CTIF: variants seen among roughly 807,000 people sequenced by gnomAD.
CTIF encodes CBP80/20-dependent translation initiation factor.
A neutral mutation model predicts 66.0 loss-of-function variants in CTIF; 21 were observed. The observed-to-expected ratio is 0.32, with a 90% CI of 0.23 to 0.46. The LOEUF (loss-of-function observed/expected upper bound fraction) is 0.46. Ranked by LOEUF, CTIF falls within the 20% of genes least tolerant of loss-of-function variation. The pLI, the probability that CTIF is intolerant of heterozygous loss-of-function variation, is 1.00. For synonymous variants in CTIF, 345 were observed against 326.4 expected (o/e 1.06, Z -0.62); for missense variants, 739 against 812.7 (o/e 0.91, Z 1.10).
At chr18:48,718,143 T>TGA (rs1568161589) in intron 7 of CTIF, among the ~76,000 whole-genome samples, 4 of 152,252 alleles carry the variant, frequency 2.6e-5, no homozygotes, top group African/African-American at 9.6e-5. Context: ...TTGGTCTGTG[T>TGA]GAACCTGTGC....
At chr18:48,699,550 A>G (rs370942312) in intron 6 of CTIF, among the ~76,000 whole-genome samples, 3 of 152,180 alleles carry the variant, frequency 2.0e-5, no homozygotes, top group African/African-American at 4.8e-5. Flanking sequence ...TGATTAACAC[A>G]GGTATGACCA....
chr18:48,836,329 A>T (rs1380701560), intron 10 of CTIF, among the ~76,000 whole-genome samples: 2 of 152,070 alleles, frequency 1.3e-5, no homozygotes, highest in Non-Finnish European at 2.9e-5. Flanking sequence ...CAGGGTCCCC[A>T]TGCTCAGCCT....
Position 48,628,647 on chromosome 18 carries a change from G to A in CTIF, c.181-7967G>A, listed in dbSNP as rs111478217. Among the ~76,000 whole-genome samples, 798 of 152,214 alleles carry A rather than the reference G, an allele frequency of 5.2e-3. 5 individuals are homozygous for A. Among genetic ancestry groups the A allele is most frequent in the Middle Eastern group, 0.031 (9 of 294 alleles). On this transcript the variant is annotated intron_variant, in intron 2 of 11. Transcript: ENST00000256413. ...TATTATTACAGATGGGGGAAACTTCGTCCTGGGGATGAAGCGATTTGCCCA... is the reference window on the plus strand; with the variant it reads ...TATTATTACAGATGGGGGAAACTTCATCCTGGGGATGAAGCGATTTGCCCA...
intron 9 of CTIF, among the ~76,000 whole-genome samples, chr18:48,789,916 CTTT>C (rs1199630143): frequency 4.6e-5 from 7 of 152,234 alleles, no homozygotes; most frequent in Admixed American, 1.3e-4. Context: ...TGGCCCCTGG[CTTT>C]GAATGCTGGC....
chr18:48,583,237 C>G (rs1405911697), intron 1 of CTIF, among the ~76,000 whole-genome samples: 1 of 152,152 alleles, frequency 6.6e-6, no homozygotes, highest in African/African-American at 2.4e-5. Flanking sequence ...AGTGCTTTGG[C>G]CCTAAGAGTC....
At position 48,674,546 on chromosome 18, in the gene CTIF, G is replaced by A. The variant is rs76921001; in HGVS notation, c.507+3802G>A. On this transcript the variant is annotated intron_variant, in intron 6 of 11. Transcript: ENST00000256413. Reference sequence around the variant, plus strand: ...GGGGGTCAGATGCTGACACCTAGGCGTCTGGCCAAGCTCCTCTCCAGCCAA... The same window carrying A: ...GGGGGTCAGATGCTGACACCTAGGCATCTGGCCAAGCTCCTCTCCAGCCAA... Among the ~76,000 whole-genome samples, 1,026 of 152,338 alleles carry A rather than the reference G, an allele frequency of 6.7e-3. 8 individuals carry two copies. The highest frequency in any genetic ancestry group is 0.021 in the African/African-American group (868 of 41,582).
intron 10 of CTIF, among the ~76,000 whole-genome samples, chr18:48,838,496 G>GC (rs542246964): frequency 6.6e-4 from 100 of 152,164 alleles, no homozygotes; most frequent in Middle Eastern, 6.8e-3. Context: ...ATTTTTGTCC[G>GC]CCCCCCTGAA....
At chr18:48,760,539 G>A (rs562965889) in intron 8 of CTIF, 1 of 152,108 alleles carries the variant, frequency 6.6e-6, no homozygotes, top group Non-Finnish European at 1.5e-5. Context: ...CTATTGTCAG[G>A]GACAGAAGAC....
chr18:48,670,575 A>G (rs1346368428), intron 5 of CTIF, 94 bp from the exon 6 acceptor site: 2 of 1,125,998 alleles, frequency 1.8e-6, no homozygotes, highest in Admixed American at 3.4e-5. Flanking sequence ...AGCACCAGGT[A>G]TCTGCTGACT....
At chr18:48,790,364 G>A (rs191856159) in intron 9 of CTIF, among the ~76,000 whole-genome samples, 52 of 152,330 alleles carry the variant, frequency 3.4e-4, no homozygotes, top group Admixed American at 1.8e-3. Context: ...GAGTTACAGC[G>A]GTGCTTCTTG....
intron 1 of CTIF, among the ~76,000 whole-genome samples, chr18:48,559,171 T>C (rs997305941): frequency 1.3e-5 from 2 of 152,164 alleles, no homozygotes; most frequent in African/African-American, 2.4e-5. Flanking sequence ...TGGAGTCTCA[T>C]TGTCAAATTT....
Position 48,839,402 on chromosome 18 carries a change from G to A in CTIF, c.1528-18186G>A, listed in dbSNP as rs528657377. On this transcript the variant is annotated intron_variant, in intron 10 of 11. Coordinates refer to ENST00000256413, the MANE Select transcript of CTIF (RefSeq NM_014772.3). ...AGTTCTTCCCGTCACTGACCCCACA[G>A]CACACTCTACACTGTGCCACTTGCA... is the stretch of plus-strand genomic sequence containing the variant. Among the ~76,000 whole-genome samples the A allele has an allele frequency of 4.1e-4, 62 of 152,274 alleles. 1 individual carries two copies. Among genetic ancestry groups the A allele is most frequent in the African/African-American group, 1.4e-3 (60 of 41,552 alleles).
intron 3 of CTIF, among the ~76,000 whole-genome samples, chr18:48,639,905 G>A (rs554917461): frequency 2.0e-5 from 3 of 152,268 alleles, no homozygotes; most frequent in Non-Finnish European, 2.9e-5. Context: ...TTCTGCCCAC[G>A]AAGCAGCCAT....
intron 9 of CTIF, among the ~76,000 whole-genome samples, chr18:48,780,128 C>G (rs1911067818): frequency 1.3e-5 from 2 of 151,932 alleles, no homozygotes; most frequent in South Asian, 4.2e-4. Context: ...TTACAGATCA[C>G]TAAGTGTAAG....
At chr18:48,763,366 G>A (rs1909197284) in intron 9 of CTIF, among the ~76,000 whole-genome samples, 1 of 152,220 alleles carries the variant, frequency 6.6e-6, no homozygotes, top group African/African-American at 2.4e-5. Flanking sequence ...GGTAAGGGTG[G>A]CCTCACCCAC....
At chr18:48,772,928 T>C (rs1415497367) in intron 9 of CTIF, among the ~76,000 whole-genome samples, 1 of 152,164 alleles carries the variant, frequency 6.6e-6, no homozygotes, top group Non-Finnish European at 1.5e-5. Context: ...CCAGGAAGGG[T>C]GTTTTTGATG....
At chr18:48,779,596 C>T (rs1250957419) in intron 9 of CTIF, among the ~76,000 whole-genome samples, 1 of 152,264 alleles carries the variant, frequency 6.6e-6, no homozygotes, top group Non-Finnish European at 1.5e-5. Flanking sequence ...AGGCCTTGGG[C>T]TCTCCCCACT....
chr18:48,712,005 C>T (rs1314390597), intron 7 of CTIF, among the ~76,000 whole-genome samples: 1 of 152,178 alleles, frequency 6.6e-6, no homozygotes, highest in Non-Finnish European at 1.5e-5. Context: ...ATGCTGTTTC[C>T]GCTGACCTCA....
At chr18:48,835,166 C>T (rs1490097097) in intron 10 of CTIF, among the ~76,000 whole-genome samples, 1 of 152,224 alleles carries the variant, frequency 6.6e-6, no homozygotes, top group East Asian at 1.9e-4. Context: ...CTGCGGGGTT[C>T]CCAGAAGACC....
Sources: gnomAD v4.1 joint callset for allele counts (sites outside exome capture counted in the v4.1 genomes callset) on GRCh38, gnomAD v4.1.1 for gene constraint, MANE v1.5 for transcripts, NCBI Gene and HGNC (gene_info 2026-07-23, HGNC 2026-07-21) for gene names.